MSL2: variants seen among roughly 807,000 people sequenced by gnomAD.
The protein encoded by MSL2 is E3 ubiquitin-protein ligase MSL2.
Under a neutral mutation model 35.8 loss-of-function variants are expected in MSL2, and 2 were observed. The ratio of observed to expected loss-of-function variants is 0.06; its 90% CI spans 0.02 to 0.18. The LOEUF is 0.18. Ranked by LOEUF, MSL2 falls within the 10% of genes least tolerant of loss-of-function variation. The pLI, the probability that MSL2 is intolerant of heterozygous loss-of-function variation, is 1.00. For missense variants in MSL2, 523 were observed against 706.7 expected (o/e 0.74, Z 2.95); for synonymous variants, 296 against 255.7 (o/e 1.16, Z -1.50).
rs1940841739 is a variant in MSL2, at chr3:136,196,155, C to G, written c.-1042G>C. 6.5e-6 allele frequency: 1 copy of G among 153,160 alleles called. No individual in the cohort carries two copies. 9.5% of individuals were successfully genotyped at this position (153,160 alleles called of 1,614,324 possible). A position where few individuals can be genotyped will look rare whatever the true frequency, so the allele number is the denominator to read the frequency against. On this transcript the variant is annotated 5_prime_UTR_variant, in exon 1 of 2. Transcript: ENST00000309993. ...CCGTGCCTCGCCGCCCTCACCCCGA[C>G]TCCACGCGCCACTCCAGCTCGGTAG...
At chr3:136,178,843 A>C (rs543417510) in intron 1 of MSL2, among the ~76,000 whole-genome samples, 1 of 152,030 alleles carries the variant, frequency 6.6e-6, no homozygotes, top group East Asian at 1.9e-4. Context: ...CCGCCAGCAC[A>C]CACTTTTTTT....
At chr3:136,160,665 T>C (rs1179503125) in intron 1 of MSL2, among the ~76,000 whole-genome samples, 1 of 148,874 alleles carries the variant, frequency 6.7e-6, no homozygotes, top group African/African-American at 2.5e-5. Context: ...GCCGAGACCA[T>C]GCCATTGCAC....
intron 1 of MSL2, among the ~76,000 whole-genome samples, chr3:136,182,730 AG>A: frequency 6.6e-6 from 1 of 151,840 alleles, no homozygotes; most frequent in Non-Finnish European, 1.5e-5. Flanking sequence ...AAAAAAAAAA[AG>A]AGAAAGAAGT....
rs71157361 is a variant in MSL2 at position 136,159,354 on chromosome 3, C to CTTTTTTTTTTTT, written c.143-6628_143-6617dup. Among the ~76,000 whole-genome samples, 27 of 70,064 alleles carry CTTTTTTTTTTTT rather than the reference C, an allele frequency of 3.9e-4. 3 individuals are homozygous for CTTTTTTTTTTTT. The highest frequency in any genetic ancestry group is 1.4e-3 in the African/African-American group (25 of 18,014). The allele number at this position is 70,064 out of a possible 152,430, so 46.0% of individuals were successfully genotyped here. On this transcript the variant is annotated intron_variant, in intron 1 of 1. Coordinates refer to ENST00000309993, the MANE Select transcript of MSL2 (RefSeq NM_018133.4). ...TTCAATGGGGAAAGGAGAGTACTTT[C>CTTTTTTTTTTTT]TTTTTTTTTTTTTTTTTTTTTTTTT...
intron 1 of MSL2, among the ~76,000 whole-genome samples, chr3:136,161,167 T>C (rs1047517772): frequency 3.9e-5 from 6 of 152,194 alleles, no homozygotes; most frequent in Admixed American, 3.9e-4. Flanking sequence ...TGTGGCACAC[T>C]ACTGCCCACC....
At chr3:136,185,412 G>A (rs929129755) in intron 1 of MSL2, among the ~76,000 whole-genome samples, 2 of 151,066 alleles carry the variant, frequency 1.3e-5, no homozygotes, top group Non-Finnish European at 2.9e-5. Flanking sequence ...CATCATAGAA[G>A]ATAACTTCAT....
At chr3:136,163,151 C>T (rs1001097503) in intron 1 of MSL2, among the ~76,000 whole-genome samples, 9 of 152,018 alleles carry the variant, frequency 5.9e-5, no homozygotes, top group Admixed American at 4.6e-4. Context: ...CCCAGCTACT[C>T]GGAAGGCTAC....
At chr3:136,186,323 T>C (rs1378041987) in intron 1 of MSL2, among the ~76,000 whole-genome samples, 2 of 152,164 alleles carry the variant, frequency 1.3e-5, no homozygotes, top group Admixed American at 1.3e-4. Flanking sequence ...GATACTGAAG[T>C]CCTTGATATA....
rs540479753 is a variant in MSL2, at chr3:136,188,710, A to T, written c.142+6262T>A. Among the ~76,000 whole-genome samples the T allele has an allele frequency of 3.6e-5, 5 of 138,986 alleles. No homozygotes were observed. In the Admixed American group the frequency reaches 3.9e-4, roughly 11 times the overall value. 91.2% of individuals were successfully genotyped at this position (138,986 alleles called of 152,430 possible). A position where few individuals can be genotyped will look rare whatever the true frequency, so the allele number is the denominator to read the frequency against. ...CACTGCACTCCAGCCTGGGGAAGAG[A>T]GCAAGACCCTGTCTCAAAAAAAAAA... On this transcript the variant is annotated intron_variant, in intron 1 of 1. Coordinates refer to ENST00000309993, the MANE Select transcript of MSL2 (RefSeq NM_018133.4).
chr3:136,160,889 C>T (rs550075715), intron 1 of MSL2, among the ~76,000 whole-genome samples: 2 of 152,098 alleles, frequency 1.3e-5, no homozygotes, highest in East Asian at 1.9e-4. Context: ...GAGATCGAGA[C>T]GATCCTGGCC....
At chr3:136,193,987 A>G (rs891850831) in intron 1 of MSL2, among the ~76,000 whole-genome samples, 3 of 152,194 alleles carry the variant, frequency 2.0e-5, no homozygotes, top group Non-Finnish European at 2.9e-5. Context: ...ACTGTCCCAA[A>G]TTACTCTTCT....
intron 1 of MSL2, among the ~76,000 whole-genome samples, chr3:136,169,228 TGGCGGGGGGGGG>T (rs1441210979): frequency 7.4e-4 from 3 of 4,074 alleles, no homozygotes; most frequent in Non-Finnish European, 1.0e-3. Flanking sequence ...GTTGTTGTTT[TGGCGGGGGGGGG>T]GGGGGGGGGG....
intron 1 of MSL2, among the ~76,000 whole-genome samples, chr3:136,192,530 G>A (rs1373190193): frequency 2.0e-5 from 3 of 151,658 alleles, no homozygotes; most frequent in African/African-American, 7.3e-5. Context: ...AGTTGAGTTA[G>A]GCCTTTAGAA....
At chr3:136,153,090 G>T in intron 1 of MSL2, 4 of 979,388 alleles carry the variant, frequency 4.1e-6, no homozygotes, top group Non-Finnish European at 4.9e-6. Flanking sequence ...AAACCCTTTG[G>T]ATAGCCAGGT....
rs752275724 is a variant in MSL2 at position 136,152,235 on chromosome 3, T to C, written c.646A>G (p.Asn216Asp). 7.4e-6 allele frequency: 12 copies of C among 1,614,192 alleles called. No individual in the cohort carries two copies. The highest frequency in any genetic ancestry group is 1.6e-4 in the Middle Eastern group (1 of 6,062). Residue 216 changes from asparagine (N) to aspartate (D), a missense_variant, in exon 2 of 2, where the codon AAT becomes GAT. By Grantham distance (23) the Asn-to-Asp change is conservative. Coordinates refer to ENST00000309993, the MANE Select transcript of MSL2 (RefSeq NM_018133.4). The part of the protein sequence containing the change: ...GINIPSPEHS[N>D]TIDVCNTVDI... ...ACAGTATTACATACGTCAATCGTAT[T>C]TGAATGTTCAGGTGAAGGAATATTT...
chr3:136,177,783 T>C (rs997191999), intron 1 of MSL2, among the ~76,000 whole-genome samples: 5 of 150,244 alleles, frequency 3.3e-5, no homozygotes, highest in African/African-American at 1.2e-4. Context: ...AATAACTAAA[T>C]ACCATTATAT....
At position 136,153,135 on chromosome 3, in the gene MSL2, G is replaced by A. The variant is rs911939483; in HGVS notation, c.143-397C>T. 7.2e-6 allele frequency: 6 copies of A among 838,034 alleles called. No homozygotes were observed. The Admixed American group carries it at 3.1e-4, about 43-fold the overall frequency. The allele number at this position is 838,034 out of a possible 1,614,324, so 51.9% of individuals were successfully genotyped here. A position where few individuals can be genotyped will look rare whatever the true frequency, so the allele number is the denominator to read the frequency against. On this transcript the variant is annotated intron_variant, in intron 1 of 1. Coordinates refer to ENST00000309993, the MANE Select transcript of MSL2 (RefSeq NM_018133.4). ...TGTGCCTGTAATCCCAGCTATTCAG[G>A]AGGCTGAGGTGATGGCTTGAGCCCT...
Position 136,151,239 on chromosome 3 carries a change from CATTT to C in MSL2, c.1638_1641del (p.Ile546MetfsTer7). Reference sequence around the variant, plus strand: ...AACGTCGTTACTGGGGACCCTGTGACATTTATTACACTGGTGCTGGTACTAGCGT... The same window carrying C: ...AACGTCGTTACTGGGGACCCTGTGACATTACACTGGTGCTGGTACTAGCGT... On this transcript the variant is annotated frameshift_variant, in exon 2 of 2. Coordinates refer to ENST00000309993, the MANE Select transcript of MSL2 (RefSeq NM_018133.4). LOFTEE classifies it high-confidence loss of function. This position sits in a 1 kb window ranked among gnomAD's most constrained non-coding sequence, Gnocchi z 5.2. The C allele has an allele frequency of 6.2e-7, 1 of 1,614,192 alleles. No homozygotes were observed. The highest frequency in any genetic ancestry group is 8.5e-7 in the Non-Finnish European group (1 of 1,180,024).
intron 1 of MSL2, among the ~76,000 whole-genome samples, chr3:136,153,412 G>GT (rs1160128422): frequency 6.6e-6 from 1 of 152,030 alleles, no homozygotes; most frequent in Non-Finnish European, 1.5e-5. Flanking sequence ...CAGTAGAAAA[G>GT]TATCTTCACA....
Sources: gnomAD v4.1 joint callset for allele counts (sites outside exome capture counted in the v4.1 genomes callset) on GRCh38, gnomAD v4.1.1 for gene constraint, Gnocchi (gnomAD v3.1) non-coding constraint, MANE v1.5 for transcripts, NCBI Gene and HGNC (gene_info 2026-07-23, HGNC 2026-07-21) for gene names.